The following SPPL3 variants were observed in gnomAD, a reference collection of about 807,000 sequenced individuals.
SPPL3 encodes signal peptide peptidase-like 3.
Under a neutral mutation model 42.4 loss-of-function variants are expected in SPPL3, and 5 were observed. That is an observed-to-expected ratio of 0.12 (90% confidence interval 0.06 to 0.25). The LOEUF (loss-of-function observed/expected upper bound fraction) is 0.25, where lower values mean the gene tolerates loss of function less well. Among genes scored for constraint, SPPL3 ranks in the 10% least tolerant of loss-of-function variants. The probability of loss-of-function intolerance (pLI) is 1.00; values close to 1 mark genes in which losing one functional copy is unlikely to be tolerated. For synonymous variants in SPPL3, 195 were observed against 181.8 expected, an observed-to-expected ratio of 1.07 and a Z score of -0.58; for missense variants, 235 against 489.0, an observed-to-expected ratio of 0.48 and a Z score of 4.90.
At chr12:120,800,659 T>G (rs1387518732) in intron 2 of SPPL3, among the ~76,000 whole-genome samples, 2 of 152,196 alleles carry the variant, frequency 1.3e-5, no homozygotes, top group Admixed American at 6.5e-5. Context: ...TATTTTTTTT[T>G]GTCTTTTCAT....
intron 1 of SPPL3, among the ~76,000 whole-genome samples, chr12:120,873,282 T>C (rs1020562566): frequency 6.6e-6 from 1 of 151,950 alleles, no homozygotes; most frequent in African/African-American, 2.4e-5. Context: ...ACTGAAAAAA[T>C]ATTAACAAAG....
rs1036397603 is a variant in SPPL3, at chr12:120,764,416, T to C, written c.*583A>G. The C allele has an allele frequency of 5.9e-5, 9 of 153,644 alleles. No individual in the cohort carries two copies. The highest frequency in any genetic ancestry group is 1.9e-4 in the African/African-American group (8 of 41,484). 9.5% of individuals were successfully genotyped at this position (153,644 alleles called of 1,614,324 possible). ...GAACTCATTACAACAAATTCTTATG[T>C]GGATGTTGTAAGAAGTCACTCAATG... On this transcript the variant is annotated 3_prime_UTR_variant, in exon 11 of 11. Transcript: ENST00000353487.
chr12:120,795,896 T>G (rs959388803), intron 2 of SPPL3, among the ~76,000 whole-genome samples: 3 of 152,196 alleles, frequency 2.0e-5, no homozygotes. Flanking sequence ...TCCATTATGA[T>G]CTTTTCATGT....
At chr12:120,892,901 GAACCCGGT>G (rs1301450276) in intron 1 of SPPL3, among the ~76,000 whole-genome samples, 1 of 147,044 alleles carries the variant, frequency 6.8e-6, no homozygotes. Context: ...AGAATGGCGT[GAACCCGGT>G]AGGCAGAGGT....
chr12:120,770,057 A>G (rs1869059855), intron 6 of SPPL3: 1 of 149,528 alleles, frequency 6.7e-6, no homozygotes, highest in Admixed American at 6.6e-5. Context: ...CACCACTTTT[A>G]TTTTTTTTGA....
intron 1 of SPPL3, among the ~76,000 whole-genome samples, chr12:120,877,426 A>G (rs1337939290): frequency 6.6e-6 from 1 of 152,224 alleles, no homozygotes; most frequent in African/African-American, 2.4e-5. Context: ...AGTGTGTCTC[A>G]TGAATAGAGA....
At chr12:120,847,485 G>T (rs1339831002) in intron 1 of SPPL3, among the ~76,000 whole-genome samples, 1 of 151,626 alleles carries the variant, frequency 6.6e-6, no homozygotes, top group Non-Finnish European at 1.5e-5. Context: ...TAGAGACAAG[G>T]TTTCAACATG....
intron 6 of SPPL3, among the ~76,000 whole-genome samples, chr12:120,779,064 C>A (rs768644994): frequency 6.6e-6 from 1 of 152,124 alleles, no homozygotes; most frequent in Non-Finnish European, 1.5e-5. Flanking sequence ...GCAGCCTGGA[C>A]AACAGAGCAA....
intron 1 of SPPL3, among the ~76,000 whole-genome samples, chr12:120,896,973 A>C (rs1385904622): frequency 6.6e-6 from 1 of 152,218 alleles, no homozygotes; most frequent in Non-Finnish European, 1.5e-5. Context: ...CAGATGCCAA[A>C]AACAGCCAAC....
intron 1 of SPPL3, among the ~76,000 whole-genome samples, chr12:120,854,153 C>T (rs142146283): frequency 1.8e-4 from 27 of 152,222 alleles, no homozygotes; most frequent in African/African-American, 5.1e-4. Flanking sequence ...CCTTTACTGA[C>T]GGCTCTTCAA....
At chr12:120,884,608 A>G (rs374356140) in intron 1 of SPPL3, among the ~76,000 whole-genome samples, 11 of 150,260 alleles carry the variant, frequency 7.3e-5, no homozygotes, top group African/African-American at 2.7e-4. Context: ...CCTGAAAGAT[A>G]TGCAACAAAT....
intron 6 of SPPL3, among the ~76,000 whole-genome samples, chr12:120,772,627 GGTGGT>G (rs1869164742): frequency 6.6e-6 from 1 of 152,156 alleles, no homozygotes; most frequent in Non-Finnish European, 1.5e-5. Context: ...TCATAGAACT[GGTGGT>G]AAATTGTCAA....
At chr12:120,899,689 A>T (rs1204557881) in intron 1 of SPPL3, among the ~76,000 whole-genome samples, 2 of 151,870 alleles carry the variant, frequency 1.3e-5, no homozygotes, top group Non-Finnish European at 2.9e-5. Context: ...TCAGGAGATC[A>T]AGACCATCCT....
At chr12:120,894,141 A>G (rs911654284) in intron 1 of SPPL3, among the ~76,000 whole-genome samples, 1 of 152,190 alleles carries the variant, frequency 6.6e-6, no homozygotes, top group Non-Finnish European at 1.5e-5. Context: ...CCTGACCAAC[A>G]TGGAGAAACC....
At chr12:120,857,322 CA>C (rs1393829968) in intron 1 of SPPL3, among the ~76,000 whole-genome samples, 5 of 152,150 alleles carry the variant, frequency 3.3e-5, no homozygotes, top group Admixed American at 6.5e-5. Flanking sequence ...AGTCAAGAAA[CA>C]ACAGATGCTG....
chr12:120,798,133 C>A (rs765632205), intron 2 of SPPL3, among the ~76,000 whole-genome samples: 1 of 152,146 alleles, frequency 6.6e-6, no homozygotes, highest in Non-Finnish European at 1.5e-5. Flanking sequence ...CAAAACACAG[C>A]GACTTTTAGA....
At position 120,767,568 on chromosome 12, in the gene SPPL3, A is replaced by G; in HGVS notation, c.799T>C (p.Leu267=). 6.2e-7 allele frequency: 1 copy of G among 1,614,170 alleles called. No homozygotes were observed. Among genetic ancestry groups the G allele is most frequent in the Non-Finnish European group, 8.5e-7 (1 of 1,179,980 alleles). The change falls in exon 9 of 11, where the codon TTG becomes CTG. Residue 267 remains leucine (L), a synonymous_variant. Coordinates refer to ENST00000353487, the MANE Select transcript of SPPL3 (RefSeq NM_139015.5). ...PSSTGSHFSM[L]GIGDIVMPGL... is the part of the protein sequence containing the mutation. ...GGCATAACGATGTCTCCGATGCCCA[A>G]CATGGAGAAGTGGCTGCCAGTGGAG... is the stretch of plus-strand genomic sequence containing the variant.
chr12:120,900,329 G>A (rs1873935951), intron 1 of SPPL3, among the ~76,000 whole-genome samples: 1 of 151,848 alleles, frequency 6.6e-6, no homozygotes, highest in Admixed American at 6.6e-5. Context: ...AAAAACAGCA[G>A]GACCAGGCAC....
intron 1 of SPPL3, among the ~76,000 whole-genome samples, chr12:120,826,916 GA>G (rs1871246084): frequency 6.6e-6 from 1 of 151,850 alleles, no homozygotes; most frequent in Admixed American, 6.6e-5. Flanking sequence ...TGACAAAATT[GA>G]GACATTCATA....
Sources: allele counts gnomAD v4.1 joint callset (sites outside exome capture counted in the v4.1 genomes callset), GRCh38; gene constraint gnomAD v4.1.1; transcripts MANE v1.5; gene names NCBI Gene and HGNC (gene_info 2026-07-23, HGNC 2026-07-21).